KCNG2: variants seen among roughly 807,000 people sequenced by gnomAD.
The protein encoded by KCNG2 is voltage-gated potassium channel regulatory subunit KCNG2.
KCNG2 carries 7 observed loss-of-function variants against 12.3 expected under a neutral mutation model. The observed-to-expected ratio is 0.57, with a 90% confidence interval of 0.32 to 1.07. The LOEUF is 1.07. Ranked by LOEUF, KCNG2 falls within the 50% of genes least tolerant of loss-of-function variation. The pLI, the probability that KCNG2 is intolerant of heterozygous loss-of-function variation, is 0.04. For synonymous variants in KCNG2, 414 were observed against 351.4 expected (o/e 1.18, Z -1.99); for missense variants, 703 against 726.0 (o/e 0.97, Z 0.36).
rs984754099 is a variant in KCNG2, at chr18:79,899,278, G to A, written c.863G>A (p.Arg288Gln). 5 of 1,577,762 alleles carry A rather than the reference G, an allele frequency of 3.2e-6. No homozygotes were observed. The highest frequency in any genetic ancestry group is 1.8e-5 in the Admixed American group (1 of 56,590). ...KLLERAGLVL[R>Q]LLRALRVLYV... is the part of the protein sequence containing the mutation. ...CTGGAGCGCGCGGGGCTGGTGCTGC[G>A]GCTGCTGCGTGCGCTGCGCGTGCTC... Residue 288 changes from arginine to glutamine, a missense_variant, in exon 4 of 4, where the codon CGG (arginine) becomes CAG (glutamine). Transcript: ENST00000316249.
chr18:79,800,626 C>G lies in KCNG2; in HGVS notation c.-115+2612C>G, dbSNP rs1295329115. 2.6e-5 allele frequency among the ~76,000 whole-genome samples: 4 copies of G among 152,356 alleles called. No individual in the cohort carries two copies. Among genetic ancestry groups the G allele is most frequent in the Non-Finnish European group, 5.9e-5 (4 of 68,030 alleles). ...AGGGTCCTTGCTGGTGTCGGAGAAA[C>G]AGCACTGGCTCCTTCACAGCCGCGG... On this transcript the variant is annotated intron_variant, in intron 1 of 3. Coordinates refer to ENST00000316249, the MANE Select transcript of KCNG2 (RefSeq NM_012283.2). This position sits in a 1 kb window ranked among gnomAD's most constrained non-coding sequence, Gnocchi z 4.0.
chr18:79,896,515 C>T (rs1980981843), intron 3 of KCNG2, among the ~76,000 whole-genome samples: 1 of 152,176 alleles, frequency 6.6e-6, no homozygotes, highest in Non-Finnish European at 1.5e-5. Context: ...TCCCACACAC[C>T]TCCTTTGTGC....
intron 1 of KCNG2, among the ~76,000 whole-genome samples, chr18:79,801,604 T>C (rs1274809022): frequency 6.6e-6 from 1 of 152,280 alleles, no homozygotes; most frequent in African/African-American, 2.4e-5. Context: ...TTAAATCTTA[T>C]ATTAGACGTG....
At chr18:79,873,124 A>G (rs1343666007) in intron 3 of KCNG2, among the ~76,000 whole-genome samples, 2 of 152,124 alleles carry the variant, frequency 1.3e-5, no homozygotes, top group Admixed American at 6.5e-5. Flanking sequence ...GGTTTTGGAA[A>G]GACAGCACTC....
At chr18:79,814,113 G>A (rs150287792) in intron 1 of KCNG2, among the ~76,000 whole-genome samples, 27 of 152,312 alleles carry the variant, frequency 1.8e-4, no homozygotes, top group Admixed American at 6.5e-4. Context: ...ACCGAATGCT[G>A]ACAAAGATGC....
At chr18:79,880,316 C>CA (rs59558361) in intron 3 of KCNG2, among the ~76,000 whole-genome samples, 19,590 of 101,124 alleles carry the variant, frequency 0.19, 1,955 homozygotes, top group East Asian at 0.36. Flanking sequence ...GACTCTGTCT[C>CA]AAAAAAAAAA....
intron 2 of KCNG2, 29 bp from the exon 3 acceptor site, chr18:79,863,599 G>A (rs1434430741): frequency 8.5e-6 from 10 of 1,172,254 alleles, no homozygotes; most frequent in Non-Finnish European, 1.1e-6. Flanking sequence ...CAGCCCTCGC[G>A]ACCCTAACGC....
intron 1 of KCNG2, among the ~76,000 whole-genome samples, chr18:79,834,330 T>A (rs1355108320): frequency 6.6e-6 from 1 of 152,134 alleles, no homozygotes; most frequent in Admixed American, 6.5e-5. Flanking sequence ...TTGCAGCCAT[T>A]ATGGTTTTAG....
intron 3 of KCNG2, among the ~76,000 whole-genome samples, chr18:79,895,974 A>AT (rs911883173): frequency 2.4e-4 from 37 of 151,386 alleles, no homozygotes; most frequent in Middle Eastern, 6.8e-3. Flanking sequence ...ATATATATGT[A>AT]TTTTTTTTTG....
At position 79,899,410 on chromosome 18, in the gene KCNG2, C is replaced by T; in HGVS notation, c.995C>T (p.Ala332Val). ...CTGCTGCTGCTGTTCCTCTGCGTGG[C>T]CATGGCGCTCTTCGCGCCACTGGTG... ...FGLLLLFLCV[A>V]MALFAPLVHL... Residue 332 changes from alanine (A) to valine (V), a missense_variant, in exon 4 of 4, where the codon GCC becomes GTC. Physicochemically the swap from Ala to Val is moderately conservative, Grantham distance 64 (BLOSUM62 0). Transcript: ENST00000316249. 6.3e-7 allele frequency: 1 copy of T among 1,584,740 alleles called. No individual in the cohort carries two copies. The highest frequency in any genetic ancestry group is 8.5e-7 in the Non-Finnish European group (1 of 1,169,750).
At position 79,822,240 on chromosome 18, in the gene KCNG2, T is replaced by C. The variant is rs542329487; in HGVS notation, c.-115+24226T>C. On this transcript the variant is annotated intron_variant, in intron 1 of 3. Coordinates refer to ENST00000316249, the MANE Select transcript of KCNG2 (RefSeq NM_012283.2). The surrounding 1 kb of genome is among the most constrained non-coding windows in gnomAD (Gnocchi z 4.4). Reference sequence around the variant, plus strand: ...ATGTCTCCCACCCAGCTTCCTCCAGTGTTGGCAGAATGGTCCAGACCAGGG... The same window carrying C: ...ATGTCTCCCACCCAGCTTCCTCCAGCGTTGGCAGAATGGTCCAGACCAGGG... Among the ~76,000 whole-genome samples, 3 of 152,238 alleles carry C rather than the reference T, an allele frequency of 2.0e-5. No homozygotes were observed. The East Asian group carries it at 5.8e-4, about 29-fold the overall frequency.
Position 79,822,412 on chromosome 18 carries a change from TTTTG to T in KCNG2, c.-115+24402_-115+24405del, listed in dbSNP as rs2123006960. Among the ~76,000 whole-genome samples, 1 of 152,324 alleles carries T rather than the reference TTTTG, an allele frequency of 6.6e-6. No homozygotes were observed. Among genetic ancestry groups the T allele is most frequent in the East Asian group, 1.9e-4 (1 of 5,184 alleles). ...AATAGCTCTCCAGTTTGTTTTTCGT[TTTTG>T]TTTTTCACAATATTGATACTTTTTA... is the stretch of plus-strand genomic sequence containing the variant. On this transcript the variant is annotated intron_variant, in intron 1 of 3. Coordinates refer to ENST00000316249, the MANE Select transcript of KCNG2 (RefSeq NM_012283.2). This position sits in a 1 kb window ranked among gnomAD's most constrained non-coding sequence, Gnocchi z 4.4.
At chr18:79,849,680 C>T (rs1447804297) in intron 1 of KCNG2, among the ~76,000 whole-genome samples, 1 of 152,238 alleles carries the variant, frequency 6.6e-6, no homozygotes, top group African/African-American at 2.4e-5. Flanking sequence ...GTCTGGGCCT[C>T]GGCTGGAGGC....
At chr18:79,888,746 C>A (rs534201606) in intron 3 of KCNG2, among the ~76,000 whole-genome samples, 1 of 152,078 alleles carries the variant, frequency 6.6e-6, no homozygotes, top group Admixed American at 6.5e-5. Context: ...GTGATCTCAG[C>A]TTACTGCAAT....
intron 3 of KCNG2, among the ~76,000 whole-genome samples, chr18:79,874,549 C>A (rs554234041): frequency 6.6e-6 from 1 of 152,346 alleles, no homozygotes; most frequent in East Asian, 1.9e-4. Context: ...TTCTGGAGAA[C>A]AAAGAGAAAA....
At chr18:79,892,132 C>A (rs902163260) in intron 3 of KCNG2, among the ~76,000 whole-genome samples, 91 of 130,930 alleles carry the variant, frequency 7.0e-4, no homozygotes, top group South Asian at 9.7e-4. Flanking sequence ...AAAAAAAAAA[C>A]AACACAGTGC....
chr18:79,872,310 G>T (rs556028004), intron 3 of KCNG2, among the ~76,000 whole-genome samples: 56 of 17,758 alleles, frequency 3.2e-3, no homozygotes, highest in Non-Finnish European at 0.014. Context: ...TTTTGAGATG[G>T]AGTCTCACTC....
intron 3 of KCNG2, among the ~76,000 whole-genome samples, chr18:79,888,514 C>T (rs190127435): frequency 4.2e-4 from 59 of 139,520 alleles, no homozygotes; most frequent in African/African-American, 1.4e-3. Context: ...GCGGTGGGGC[C>T]GGGACGGCGG....
At position 79,842,797 on chromosome 18, in the gene KCNG2, A is replaced by C. The variant is rs540064348; in HGVS notation, c.-114-13582A>C. Among the ~76,000 whole-genome samples, 77 of 152,334 alleles carry C rather than the reference A, an allele frequency of 5.1e-4. 2 individuals carry two copies. In the South Asian group the frequency reaches 9.1e-3, roughly 18 times the overall value. ...GAATCAGCAATCTCAAAGATAGGAC[A>C]TTTGTAGTTATTCAATCAGAAGAGC... is the stretch of plus-strand genomic sequence containing the variant. On this transcript the variant is annotated intron_variant, in intron 1 of 3. Transcript: ENST00000316249.
Sources: gnomAD v4.1 joint callset for allele counts (sites outside exome capture counted in the v4.1 genomes callset) on GRCh38, gnomAD v4.1.1 for gene constraint, Gnocchi (gnomAD v3.1) non-coding constraint, MANE v1.5 for transcripts, NCBI Gene and HGNC (gene_info 2026-07-23, HGNC 2026-07-21) for gene names.